The following DNAH11 variants were observed in gnomAD, a reference collection of about 807,000 sequenced individuals.
DNAH11 encodes the protein axonemal beta dynein heavy chain 11.
A neutral mutation model predicts 526.0 loss-of-function variants in DNAH11; 442 were observed. That is an observed-to-expected ratio of 0.84 (90% CI 0.78 to 0.91). The LOEUF is 0.91. DNAH11 is among the 40% of genes least tolerant of loss of function. The pLI, the probability that DNAH11 is intolerant of heterozygous loss-of-function variation, is 0.00. For missense variants in DNAH11, 6,989 were observed against 5,448.7 expected, an observed-to-expected ratio of 1.28 and a Z score of -8.90; for synonymous variants, 2,461 against 1,935.9, an observed-to-expected ratio of 1.27 and a Z score of -7.12.
At chr7:21,842,953 G>A (rs1229009104) in intron 66 of DNAH11, among the ~76,000 whole-genome samples, 2 of 152,180 alleles carry the variant, frequency 1.3e-5, no homozygotes, top group Non-Finnish European at 2.9e-5. Flanking sequence ...CCACACGTAG[G>A]AGATAGGGTG....
chr7:21,809,951 T>C (rs1398808325), intron 63 of DNAH11, among the ~76,000 whole-genome samples: 1 of 152,206 alleles, frequency 6.6e-6, no homozygotes, highest in East Asian at 1.9e-4. Flanking sequence ...AAATTAATTA[T>C]GTAAACTTTA....
intron 60 of DNAH11, 104 bp downstream of exon 60, chr7:21,787,687 T>A: frequency 9.8e-7 from 1 of 1,020,662 alleles, no homozygotes; most frequent in Non-Finnish European, 1.4e-6. Flanking sequence ...TTTCATTTTC[T>A]GAATAAGGAT....
intron 29 of DNAH11, 35 bp downstream of exon 29, chr7:21,656,016 G>T (rs765969599): frequency 3.2e-6 from 5 of 1,541,374 alleles, no homozygotes; most frequent in East Asian, 4.6e-5. Flanking sequence ...TATGCTAGGG[G>T]AGTATTTTCA....
chr7:21,685,478 C>T (rs1783333333), intron 32 of DNAH11, among the ~76,000 whole-genome samples: 3 of 152,230 alleles, frequency 2.0e-5, no homozygotes, highest in African/African-American at 7.2e-5. Flanking sequence ...AAAATGTTTC[C>T]ATTTCCATTT....
chr7:21,866,768 G>T lies in DNAH11; in HGVS notation c.11690+105G>T, dbSNP rs1225651984. On this transcript the variant is annotated intron_variant, in intron 71 of 81. Transcript: ENST00000409508. ...GGAAGTGTTTACCATCCATTTTGATGGGGAGTGATTCTGCTGAGATTTTGA... is the reference window on the plus strand; with the variant it reads ...GGAAGTGTTTACCATCCATTTTGATTGGGAGTGATTCTGCTGAGATTTTGA... 12 of 1,225,732 alleles carry T rather than the reference G, an allele frequency of 9.8e-6. No homozygotes were observed. In the Middle Eastern group the frequency reaches 8.3e-4, roughly 85 times the overall value. The allele number at this position is 1,225,732 out of a possible 1,614,324, so 75.9% of individuals were successfully genotyped here. A position where few individuals can be genotyped will look rare whatever the true frequency, so the allele number is the denominator to read the frequency against.
intron 54 of DNAH11, among the ~76,000 whole-genome samples, chr7:21,759,324 A>G (rs1397066614): frequency 6.6e-6 from 1 of 152,234 alleles, no homozygotes; most frequent in Non-Finnish European, 1.5e-5. Context: ...GTCAAAGGTT[A>G]TGGGAATGAG....
At chr7:21,664,418 C>T (rs1782350681) in intron 30 of DNAH11, among the ~76,000 whole-genome samples, 1 of 151,720 alleles carries the variant, frequency 6.6e-6, no homozygotes, top group Non-Finnish European at 1.5e-5. Flanking sequence ...CCCCCGCCCC[C>T]GCAATTCTTT....
Position 21,744,906 on chromosome 7 carries a change from A to G in DNAH11, c.8353A>G (p.Ile2785Val), listed in dbSNP as rs776228270. 132 of 1,610,942 alleles carry G rather than the reference A, an allele frequency of 8.2e-5. No individual in the cohort carries two copies. Among genetic ancestry groups the G allele is most frequent in the Non-Finnish European group, 1.1e-4 (129 of 1,178,682 alleles). ...TCACATGCTGCTTCAACAGCCCCTCATTTATTGCCACTTTGCTGATAGAGG... is the reference window on the plus strand; with the variant it reads ...TCACATGCTGCTTCAACAGCCCCTCGTTTATTGCCACTTTGCTGATAGAGG... ...DSHMLLQQPL[I>V]YCHFADRGKD... Residue 2785 changes from isoleucine (I) to valine (V), a missense_variant, in exon 51 of 82, where the codon ATT becomes GTT. Coordinates refer to ENST00000409508, the MANE Select transcript of DNAH11 (RefSeq NM_001277115.2).
intron 2 of DNAH11, among the ~76,000 whole-genome samples, chr7:21,549,180 A>G (rs890687730): frequency 3.3e-5 from 5 of 152,190 alleles, no homozygotes; most frequent in Admixed American, 6.5e-5. Flanking sequence ...TACCTGGCCA[A>G]TGACAGACTT....
intron 15 of DNAH11, 70 bp downstream of exon 15, chr7:21,600,189 G>A: frequency 7.4e-7 from 1 of 1,355,572 alleles, no homozygotes; most frequent in Non-Finnish European, 9.8e-7. Flanking sequence ...GCTGAGTATG[G>A]TAGCTCATGC....
At chr7:21,864,844 T>G (rs1369068098) in intron 70 of DNAH11, among the ~76,000 whole-genome samples, 187 bp downstream of exon 70, 1 of 152,250 alleles carries the variant, frequency 6.6e-6, no homozygotes, top group African/African-American at 2.4e-5. Flanking sequence ...CTCATTTAGA[T>G]GTAAAGGAGC....
chr7:21,616,440 A>T, intron 22 of DNAH11, 148 bp downstream of exon 22: 1 of 571,144 alleles, frequency 1.8e-6, no homozygotes, highest in Admixed American at 3.3e-5. Context: ...TTTCACCCTT[A>T]GCCAGTTGCA....
At chr7:21,569,901 T>C (rs1265173127) in intron 6 of DNAH11, among the ~76,000 whole-genome samples, 168 bp from the exon 7 acceptor site, 1 of 152,234 alleles carries the variant, frequency 6.6e-6, no homozygotes, top group Non-Finnish European at 1.5e-5. Flanking sequence ...AAGTATGTCA[T>C]TGAAGTCCAA....
At chr7:21,649,247 A>C (rs929431785) in intron 28 of DNAH11, among the ~76,000 whole-genome samples, 1 of 152,238 alleles carries the variant, frequency 6.6e-6, no homozygotes, top group African/African-American at 2.4e-5. Context: ...TTTTCTAAAT[A>C]GGAATATATC....
chr7:21,845,272 A>T (rs181041027), intron 66 of DNAH11, among the ~76,000 whole-genome samples: 8 of 152,188 alleles, frequency 5.3e-5, no homozygotes, highest in African/African-American at 9.6e-5. Flanking sequence ...TTTTGGTATC[A>T]TATCTAAGAA....
At chr7:21,588,742 GTTCACTTC>G (rs1467915201) in intron 11 of DNAH11, 106 bp downstream of exon 11, 1 of 1,320,106 alleles carries the variant, frequency 7.6e-7, no homozygotes, top group Non-Finnish European at 1.1e-6. Context: ...CCATTGCCCT[GTTCACTTC>G]TCTCACTGGT....
intron 68 of DNAH11, 110 bp from the exon 69 acceptor site, chr7:21,861,743 T>G: frequency 7.4e-7 from 1 of 1,343,872 alleles, no homozygotes; most frequent in Non-Finnish European, 1.0e-6. Context: ...AAATTTTGCC[T>G]CATTCTCACT....
intron 28 of DNAH11, among the ~76,000 whole-genome samples, chr7:21,646,158 A>G (rs1787348905): frequency 6.6e-6 from 1 of 152,166 alleles, no homozygotes; most frequent in Non-Finnish European, 1.5e-5. Flanking sequence ...TGGAATGGCT[A>G]GTAAACATAA....
At chr7:21,859,264 C>T (rs1782967222) in intron 68 of DNAH11, among the ~76,000 whole-genome samples, 2 of 152,174 alleles carry the variant, frequency 1.3e-5, no homozygotes, top group Admixed American at 1.3e-4. Flanking sequence ...CAGGCACCCA[C>T]CACCATGCCT....
Sources: allele counts gnomAD v4.1 joint callset (sites outside exome capture counted in the v4.1 genomes callset), GRCh38; gene constraint gnomAD v4.1.1; transcripts MANE v1.5; gene names NCBI Gene and HGNC (gene_info 2026-07-23, HGNC 2026-07-21).